Variants in P3H1 observed in about 807,000 individuals in gnomAD.
P3H1 encodes the protein growth suppressor 1.
P3H1 carries 69 observed loss-of-function variants against 84.0 expected under a neutral mutation model. That is an observed-to-expected ratio of 0.82 (90% confidence interval 0.68 to 1.00). The LOEUF (loss-of-function observed/expected upper bound fraction) is 1.00. P3H1 is among the 50% of genes least tolerant of loss of function. The pLI is 0.00. For missense variants in P3H1, 878 were observed against 962.8 expected (o/e 0.91, Z 1.17); for synonymous variants, 366 against 388.8 (o/e 0.94, Z 0.69).
Position 42,746,687 on chromosome 1 carries a change from C to G in P3H1, c.*10G>C. 2.6e-6 allele frequency: 4 copies of G among 1,549,516 alleles called. No individual in the cohort carries two copies. The highest frequency in any genetic ancestry group is 3.5e-6 in the Non-Finnish European group (4 of 1,145,064). On this transcript the variant is annotated 3_prime_UTR_variant, in exon 15 of 15. Coordinates refer to ENST00000296388, the MANE Select transcript of P3H1 (RefSeq NM_022356.4). ...GGGTCTAGTCACCCATCCGTCTGAC[C>G]TGGACGCTGTCATAGCTCATCCTTG...
At chr1:42,747,563 T>TAGAGG in intron 13 of P3H1, 151 bp from the exon 14 acceptor site, 1 of 1,101,902 alleles carries the variant, frequency 9.1e-7, no homozygotes, top group Non-Finnish European at 1.4e-6. Flanking sequence ...GGTGACTGGT[T>TAGAGG]AGAGGAGTGA....
At chr1:42,748,586 C>G in intron 11 of P3H1, 1 of 483,270 alleles carries the variant, frequency 2.1e-6, no homozygotes. Context: ...TGGCACAACC[C>G]TGGTTTGTAG....
At chr1:42,748,379 T>C (rs2124083568) in intron 11 of P3H1, 62 bp from the exon 12 acceptor site, 2 of 1,266,316 alleles carry the variant, frequency 1.6e-6, no homozygotes, top group South Asian at 1.2e-5. Context: ...AGCTCTCTTC[T>C]TGGCAGGGGA....
chr1:42,763,717 GA>G (rs2124162332), intron 1 of P3H1, among the ~76,000 whole-genome samples: 1 of 138,572 alleles, frequency 7.2e-6, no homozygotes, highest in East Asian at 2.2e-4. Flanking sequence ...CAAGGGGGGA[GA>G]AATAGGCTAC....
In P3H1 at chr1:42,754,981, C is replaced by T. The variant is rs61746653; in HGVS notation, c.1233G>A (p.Arg411=). 2,930 of 1,614,204 alleles carry T rather than the reference C, an allele frequency of 1.8e-3. 58 individuals carry two copies. In the African/African-American group the frequency reaches 0.035, roughly 19 times the overall value. Residue 411 remains arginine, a synonymous_variant, in exon 8 of 15, where the codon CGG becomes CGA. Transcript: ENST00000296388. This position sits in a 1 kb window ranked among gnomAD's most constrained non-coding sequence, Gnocchi z 4.0. ...KRLQEKQKSE[R]ETAVRISQEI... Reference sequence around the variant, plus strand: ...CCTGGGAGATGCGTACGGCTGTTTCCCGTTCTGACCTATGAGCACAGCCGC... The same window carrying T: ...CCTGGGAGATGCGTACGGCTGTTTCTCGTTCTGACCTATGAGCACAGCCGC...
rs540971870 is a variant in P3H1 at position 42,752,589 on chromosome 1, A to G, written c.1421T>C (p.Met474Thr). Residue 474 changes from methionine to threonine, a missense_variant, in exon 9 of 15, where the codon ATG (methionine) becomes ACG (threonine). Physicochemically the swap from Met to Thr is moderately conservative, Grantham distance 81. Coordinates refer to ENST00000296388, the MANE Select transcript of P3H1 (RefSeq NM_022356.4). ...KLLNGSQRVV[M>T]DGVISDHECQ... ...CTCGTGGTCAGAGATTACGCCGTCC[A>G]TCACCACCCGCTGGGAACCATTCAG... The G allele has an allele frequency of 1.9e-6, 3 of 1,614,170 alleles. No individual in the cohort carries two copies. The highest frequency in any genetic ancestry group is 1.1e-5 in the South Asian group (1 of 91,084).
intron 12 of P3H1, 142 bp from the exon 13 acceptor site, chr1:42,747,940 A>G: frequency 1.2e-6 from 1 of 801,284 alleles, no homozygotes; most frequent in East Asian, 2.6e-5. Context: ...CTGATGCCGT[A>G]CAAACTCCAC....
chr1:42,757,326 G>C (rs572943552), intron 5 of P3H1, among the ~76,000 whole-genome samples: 2 of 152,182 alleles, frequency 1.3e-5, no homozygotes, highest in African/African-American at 4.8e-5. Context: ...GTTTTGGAGA[G>C]AGACAGGGAA....
At position 42,755,167 on chromosome 1, in the gene P3H1, C is replaced by T. The variant is rs886043833; in HGVS notation, c.1221G>A (p.Gln407=). 6.2e-7 allele frequency: 1 copy of T among 1,614,154 alleles called. No individual in the cohort carries two copies. The highest frequency in any genetic ancestry group is 1.6e-4 in the Middle Eastern group (1 of 6,062). The change falls in exon 7 of 15, where the codon CAG becomes CAA. Residue 407 remains glutamine, a splice_region_variant and synonymous_variant. Coordinates refer to ENST00000296388, the MANE Select transcript of P3H1 (RefSeq NM_022356.4). The stretch of plus-strand genomic sequence containing the variant: ...TGCAGTTTCTTCAAGGTCCTCACTT[C>T]TGTTTCTCTTGCAATCTCTTGGGAA... ...EVIPKRLQEK[Q]KSERETAVRI...
chr1:42,763,335 C>G (rs1422326910), intron 1 of P3H1, among the ~76,000 whole-genome samples: 1 of 151,810 alleles, frequency 6.6e-6, no homozygotes, highest in African/African-American at 2.4e-5. Flanking sequence ...TTTTCTGACT[C>G]AAAGCTCAGG....
At chr1:42,748,050 C>T in intron 12 of P3H1, 150 bp downstream of exon 12, 1 of 694,150 alleles carries the variant, frequency 1.4e-6, no homozygotes, top group Non-Finnish European at 2.5e-6. Flanking sequence ...ATCTTCTTAT[C>T]CAGCGGGTTT....
chr1:42,761,778 T>C (rs764088871), intron 2 of P3H1: 1 of 160,374 alleles, frequency 6.2e-6, no homozygotes, highest in Non-Finnish European at 1.4e-5. Flanking sequence ...CCCAGCTATT[T>C]GTGGGGCTGA....
At chr1:42,766,428 C>A (rs1222704954) in intron 1 of P3H1, 79 bp downstream of exon 1, 3 of 1,285,086 alleles carry the variant, frequency 2.3e-6, no homozygotes, top group Non-Finnish European at 3.3e-6. Flanking sequence ...CTTCCCCGAT[C>A]CCCCAAGCTC....
intron 6 of P3H1, 42 bp from the exon 7 acceptor site, chr1:42,755,259 C>CT (rs753970290): frequency 7.6e-6 from 12 of 1,575,662 alleles, no homozygotes; most frequent in Middle Eastern, 1.7e-4. Flanking sequence ...AGATGATCTA[C>CT]TTAATCTTCC....
Position 42,766,854 on chromosome 1 carries a change from C to T in P3H1, c.118G>A (p.Ala40Thr), listed in dbSNP as rs1013037530. Residue 40 changes from alanine (A) to threonine (T), a missense_variant, in exon 1 of 15, where the codon GCC (alanine) becomes ACC (threonine). Physicochemically the swap from Ala to Thr is moderately conservative, Grantham distance 58. Transcript: ENST00000296388. ...CGCGCGTAGGCTGCGGTCCCCTCGGCGAAGAGCAGATCAGGCGTCACCATG... is the reference window on the plus strand; with the variant it reads ...CGCGCGTAGGCTGCGGTCCCCTCGGTGAAGAGCAGATCAGGCGTCACCATG... Reference protein sequence around the residue: ...WGMVTPDLLFAEGTAAYARGD... With the variant: ...WGMVTPDLLFTEGTAAYARGD... 1 of 1,606,372 alleles carries T rather than the reference C, an allele frequency of 6.2e-7. No individual in the cohort carries two copies.
intron 7 of P3H1, 59 bp downstream of exon 7, chr1:42,755,106 G>A: frequency 6.2e-7 from 1 of 1,612,084 alleles, no homozygotes; most frequent in East Asian, 2.2e-5. Flanking sequence ...CCTGGGCTCA[G>A]GAAGCCTCAA....
intron 5 of P3H1, chr1:42,756,284 C>T (rs1652399039): frequency 6.5e-6 from 1 of 154,388 alleles, no homozygotes; most frequent in Non-Finnish European, 1.4e-5. Flanking sequence ...GCTTTCTGCT[C>T]TGCCACCTGC....
rs777939195 is a variant in P3H1 at position 42,752,387 on chromosome 1, C to G, written c.1474-18G>C. ...GCTGCCACCTACAAGGCCCAAAACA[C>G]AAGGTGATGTTAGCCAGGGCAGCTG... On this transcript the variant is annotated intron_variant, in intron 9 of 14. Coordinates refer to ENST00000296388, the MANE Select transcript of P3H1 (RefSeq NM_022356.4). 6.2e-7 allele frequency: 1 copy of G among 1,613,426 alleles called. No individual in the cohort carries two copies. The highest frequency in any genetic ancestry group is 1.1e-5 in the South Asian group (1 of 91,076).
At chr1:42,755,275 T>C (rs772326348) in intron 6 of P3H1, 58 bp from the exon 7 acceptor site, 1 of 1,512,094 alleles carries the variant, frequency 6.6e-7, no homozygotes, top group Non-Finnish European at 9.2e-7. Flanking sequence ...CTTCCAGGTG[T>C]CTCAATGCAT....
Sources: allele counts gnomAD v4.1 joint callset (sites outside exome capture counted in the v4.1 genomes callset), GRCh38; gene constraint gnomAD v4.1.1; non-coding constraint Gnocchi (gnomAD v3.1); transcripts MANE v1.5; gene names NCBI Gene and HGNC (gene_info 2026-07-23, HGNC 2026-07-21).